ARIH1: variants seen among roughly 807,000 people sequenced by gnomAD.
The protein encoded by ARIH1 is ariadne RBR E3 ubiquitin protein ligase 1.
A neutral mutation model predicts 85.0 loss-of-function variants in ARIH1; 8 were observed. That is an observed-to-expected ratio of 0.09 (90% CI 0.06 to 0.17). The LOEUF (loss-of-function observed/expected upper bound fraction) is 0.17, where lower values mean the gene tolerates loss of function less well. ARIH1 is among the 10% of genes least tolerant of loss of function. The pLI, the probability that ARIH1 is intolerant of heterozygous loss-of-function variation, is 1.00. For missense variants in ARIH1, 311 were observed against 718.1 expected (o/e 0.43, Z 6.48); for synonymous variants, 238 against 253.6 (o/e 0.94, Z 0.59).
At chr15:72,552,186 C>T (rs7177647) in intron 3 of ARIH1, among the ~76,000 whole-genome samples, 1,620 of 152,134 alleles carry the variant, frequency 0.011, 26 homozygotes, top group African/African-American at 0.038. Context: ...AAAAAAAAGG[C>T]AGTGTAAAGG....
intron 1 of ARIH1, among the ~76,000 whole-genome samples, chr15:72,513,799 CTCCT>C (rs1279705242): frequency 1.3e-4 from 3 of 23,596 alleles, no homozygotes; most frequent in African/African-American, 3.7e-4. Flanking sequence ...CCCCCTCTCC[CTCCT>C]TCCCTCCCTC....
At chr15:72,570,997 C>T (rs1220597926) in intron 10 of ARIH1, among the ~76,000 whole-genome samples, 1 of 151,766 alleles carries the variant, frequency 6.6e-6, no homozygotes. Context: ...GGCGTGGTGG[C>T]GCATGCCTGT....
intron 2 of ARIH1, among the ~76,000 whole-genome samples, chr15:72,542,472 C>T (rs893436964): frequency 3.3e-5 from 5 of 152,068 alleles, no homozygotes; most frequent in African/African-American, 1.2e-4. Context: ...GGTATTTTTC[C>T]CTATCTGATG....
intron 1 of ARIH1, among the ~76,000 whole-genome samples, chr15:72,498,886 G>A (rs186144520): frequency 4.7e-5 from 7 of 149,076 alleles, no homozygotes; most frequent in Admixed American, 2.7e-4. Flanking sequence ...TTATTAATCT[G>A]GTAAAGAAAA....
intron 5 of ARIH1, among the ~76,000 whole-genome samples, chr15:72,558,016 T>C (rs1483498655): frequency 6.6e-6 from 1 of 152,196 alleles, no homozygotes; most frequent in Non-Finnish European, 1.5e-5. Context: ...TCTTTTCTTA[T>C]TTAGATACAT....
At chr15:72,571,997 G>T in intron 10 of ARIH1, 111 bp from the exon 11 acceptor site, 1 of 720,170 alleles carries the variant, frequency 1.4e-6, no homozygotes, top group Non-Finnish European at 2.3e-6. Flanking sequence ...TGTTATAAAA[G>T]ATAACGTTGG....
chr15:72,546,778 G>A (rs1444140887), intron 3 of ARIH1, among the ~76,000 whole-genome samples: 5 of 151,714 alleles, frequency 3.3e-5, no homozygotes, highest in African/African-American at 1.2e-4. Flanking sequence ...TTGTAGAGAC[G>A]GGGTTTCACC....
intron 3 of ARIH1, among the ~76,000 whole-genome samples, chr15:72,548,596 TTCC>T (rs2064139539): frequency 6.6e-6 from 1 of 152,178 alleles, no homozygotes; most frequent in South Asian, 2.1e-4. Flanking sequence ...CTGCTAAGTG[TTCC>T]GAAAAGTATC....
chr15:72,534,956 A>ATTTTTTTTTTTT (rs1179478559), intron 2 of ARIH1, among the ~76,000 whole-genome samples: 1 of 45,114 alleles, frequency 2.2e-5, no homozygotes, highest in Non-Finnish European at 1.9e-4. Context: ...TATTGTCTGT[A>ATTTTTTTTTTTT]TTCTTTTTTT....
chr15:72,512,181 C>G (rs767833760), intron 1 of ARIH1, among the ~76,000 whole-genome samples: 1 of 151,798 alleles, frequency 6.6e-6, no homozygotes, highest in African/African-American at 2.4e-5. Context: ...AGTGGTCCCT[C>G]CTATTCTAGT....
intron 1 of ARIH1, among the ~76,000 whole-genome samples, chr15:72,484,140 T>G (rs913382325): frequency 7.3e-6 from 1 of 136,166 alleles, no homozygotes. Flanking sequence ...GCCATTGCAC[T>G]CCAGCCTGGG....
chr15:72,560,855 G>A lies in ARIH1; in HGVS notation c.738-628G>A, dbSNP rs114539697. Among the ~76,000 whole-genome samples, 689 of 152,266 alleles carry A rather than the reference G, an allele frequency of 4.5e-3. 6 individuals are homozygous for A. The highest frequency in any genetic ancestry group is 0.016 in the African/African-American group (648 of 41,560). Reference sequence around the variant, plus strand: ...TACACTCAGAGGAGTATTTACCATAGAACTAATGAAACTTAAACTTCAGGA... The same window carrying A: ...TACACTCAGAGGAGTATTTACCATAAAACTAATGAAACTTAAACTTCAGGA... On this transcript the variant is annotated intron_variant, in intron 5 of 13. Transcript: ENST00000379887.
intron 2 of ARIH1, among the ~76,000 whole-genome samples, chr15:72,523,427 T>A (rs1332754845): frequency 6.6e-6 from 1 of 152,064 alleles, no homozygotes; most frequent in African/African-American, 2.4e-5. Flanking sequence ...TATGTGACAC[T>A]CTGGAAAAGG....
intron 9 of ARIH1, among the ~76,000 whole-genome samples, chr15:72,568,999 CT>C (rs1328095216): frequency 6.6e-6 from 1 of 152,140 alleles, no homozygotes; most frequent in Non-Finnish European, 1.5e-5. Flanking sequence ...GTAATTTTGG[CT>C]TACTAGCAAC....
intron 1 of ARIH1, among the ~76,000 whole-genome samples, chr15:72,493,991 C>G (rs1385545374): frequency 2.6e-5 from 4 of 152,066 alleles, no homozygotes; most frequent in Non-Finnish European, 5.9e-5. Context: ...ACGTGGTTCC[C>G]TCCCTCACAG....
At chr15:72,543,499 C>T (rs549628466) in intron 2 of ARIH1, among the ~76,000 whole-genome samples, 5 of 151,950 alleles carry the variant, frequency 3.3e-5, no homozygotes, top group Non-Finnish European at 4.4e-5. Flanking sequence ...GTTGGCATTT[C>T]GATTGATAAT....
rs1567362501 is a variant in ARIH1 at position 72,583,668 on chromosome 15, T to C, written c.*376T>C. 6.0e-6 allele frequency: 1 copy of C among 165,516 alleles called. No homozygotes were observed. Among genetic ancestry groups the C allele is most frequent in the Non-Finnish European group, 1.3e-5 (1 of 76,224 alleles). 10.3% of individuals were successfully genotyped at this position (165,516 alleles called of 1,614,324 possible). ...TGCTTTTCATGTTCAAACCAGCCAT[T>C]TTGTTGTACTTTGGTAAAGGACCTC... On this transcript the variant is annotated 3_prime_UTR_variant, in exon 14 of 14. Coordinates refer to ENST00000379887, the MANE Select transcript of ARIH1 (RefSeq NM_005744.5).
At chr15:72,490,083 C>T (rs2063852971) in intron 1 of ARIH1, among the ~76,000 whole-genome samples, 1 of 151,796 alleles carries the variant, frequency 6.6e-6, no homozygotes, top group Non-Finnish European at 1.5e-5. Flanking sequence ...TTCAGGGAGG[C>T]CAGTCACGGT....
Position 72,549,053 on chromosome 15 carries a change from G to A in ARIH1, c.588+4089G>A, listed in dbSNP as rs559842656. Among the ~76,000 whole-genome samples the A allele has an allele frequency of 1.3e-3, 190 of 151,804 alleles. 1 individual carries two copies. Among genetic ancestry groups the A allele is most frequent in the African/African-American group, 4.4e-3 (183 of 41,392 alleles). The stretch of plus-strand genomic sequence containing the variant: ...GCTGTACTGGCCCACCACTGTGCTA[G>A]GAAATGTAGCTTCGACTACAGCGTC... On this transcript the variant is annotated intron_variant, in intron 3 of 13. Coordinates refer to ENST00000379887, the MANE Select transcript of ARIH1 (RefSeq NM_005744.5).
Sources: allele counts gnomAD v4.1 joint callset (sites outside exome capture counted in the v4.1 genomes callset), GRCh38; gene constraint gnomAD v4.1.1; transcripts MANE v1.5; gene names NCBI Gene and HGNC (gene_info 2026-07-23, HGNC 2026-07-21).